FRMPD3: variants seen among roughly 807,000 people sequenced by gnomAD.
FRMPD3 encodes the protein FERM and PDZ domain containing 3.
In FRMPD3, 42 loss-of-function variants were observed where a neutral mutation model predicts 97.9. The observed-to-expected ratio is 0.43, with a 90% CI of 0.34 to 0.55. FRMPD3 has a LOEUF of 0.55. Among genes scored for constraint, FRMPD3 ranks in the 20% least tolerant of loss-of-function variants. The pLI, the probability that FRMPD3 is intolerant of heterozygous loss-of-function variation, is 0.03. For missense variants in FRMPD3, 1,303 were observed against 1,457.7 expected, an observed-to-expected ratio of 0.89 and a Z score of 1.73; for synonymous variants, 577 against 581.1, an observed-to-expected ratio of 0.99 and a Z score of 0.10.
intron 1 of FRMPD3, among the ~76,000 whole-genome samples, chrX:107,505,407 A>G (rs938890712): frequency 1.9e-4 from 21 of 111,798 alleles, no homozygotes; most frequent in African/African-American, 6.8e-4. Flanking sequence ...ACTCCCCTCC[A>G]TGGAACCACA....
Position 107,601,966 on chromosome X carries a change from G to A in FRMPD3, c.3927G>A (p.Arg1309=), listed in dbSNP as rs1177669963. The stretch of plus-strand genomic sequence containing the variant: ...GCAAGCGCATCTGCCGGGGGGGCCG[G>A]CCACAAGCCACCCAGACACCAGTGC... ...CDCKRICRGG[R]PQATQTPVPS... is the part of the protein sequence containing the mutation. The change falls in exon 15 of 15, where the codon CGG becomes CGA. Residue 1309 remains arginine, a synonymous_variant. Coordinates refer to ENST00000683843, the MANE Select transcript of FRMPD3 (RefSeq NM_001388459.1). 4.3e-6 allele frequency: 5 copies of A among 1,170,220 alleles called. No homozygotes were observed. The highest frequency in any genetic ancestry group is 5.7e-6 in the Non-Finnish European group (5 of 876,922).
chrX:107,520,662 C>A (rs1393648422), intron 1 of FRMPD3, among the ~76,000 whole-genome samples: 1 of 111,294 alleles, frequency 9.0e-6, no homozygotes, highest in Admixed American at 9.5e-5. Context: ...AACAAAACAA[C>A]AACAACAACA....
At chrX:107,489,866 C>G (rs1485008805) in intron 1 of FRMPD3, among the ~76,000 whole-genome samples, 2 of 111,651 alleles carry the variant, frequency 1.8e-5, no homozygotes, top group Admixed American at 9.5e-5. Context: ...TCAATTTTGG[C>G]TTTTGTTGCC....
At chrX:107,522,577 T>C (rs900865069) in intron 1 of FRMPD3, 14 of 443,153 alleles carry the variant, frequency 3.2e-5, no homozygotes, top group Non-Finnish European at 5.5e-5. Flanking sequence ...CCACTGTGGG[T>C]CTGTGCCTCT....
At chrX:107,533,883 A>G (rs1261146572) in intron 4 of FRMPD3, among the ~76,000 whole-genome samples, 1 of 112,375 alleles carries the variant, frequency 8.9e-6, no homozygotes, top group East Asian at 2.8e-4. Flanking sequence ...GTGAACTCTC[A>G]TAAAGTCCTG....
At chrX:107,589,833 A>G (rs773435294) in intron 13 of FRMPD3, among the ~76,000 whole-genome samples, 1 of 112,542 alleles carries the variant, frequency 8.9e-6, no homozygotes, top group African/African-American at 3.2e-5. Context: ...TTTTATTTTC[A>G]GGTTGTTCAT....
At chrX:107,579,133 C>T (rs1316755310) in intron 13 of FRMPD3, among the ~76,000 whole-genome samples, 1 of 111,939 alleles carries the variant, frequency 8.9e-6, no homozygotes, top group African/African-American at 3.3e-5. Context: ...CTTATCTGGG[C>T]TTTTCCCCCA....
chrX:107,536,473 C>A (rs769109749), intron 4 of FRMPD3, among the ~76,000 whole-genome samples: 36 of 112,000 alleles, frequency 3.2e-4, no homozygotes, highest in African/African-American at 1.1e-3. Flanking sequence ...ATTCATCCAA[C>A]TTGTTGCATG....
chrX:107,517,445 A>C (rs965233850), intron 1 of FRMPD3, among the ~76,000 whole-genome samples: 1 of 111,939 alleles, frequency 8.9e-6, no homozygotes, highest in Admixed American at 9.4e-5. Context: ...GTGATGAAAT[A>C]GTCATTTTAG....
Position 107,597,587 on chromosome X carries a change from G to A in FRMPD3, c.1708G>A (p.Gly570Ser), listed in dbSNP as rs751413205. The A allele has an allele frequency of 8.3e-7, 1 of 1,208,924 alleles. No homozygotes were observed. Among genetic ancestry groups the A allele is most frequent in the South Asian group, 1.8e-5 (1 of 56,790 alleles). Residue 570 changes from glycine (G) to serine (S), a missense_variant, in exon 14 of 15, where the codon GGC becomes AGC. Physicochemically the swap from Gly to Ser is moderately conservative, Grantham distance 56 (BLOSUM62 0). Around this residue, in one of 3 missense-constraint regions of FRMPD3, gnomAD observed 535 missense variants for 618.6 expected, o/e 0.86. Coordinates refer to ENST00000683843, the MANE Select transcript of FRMPD3 (RefSeq NM_001388459.1). ...TKSDPTSKSS[G>S]QGYEVVPDDF... ...GTCTGACCCCACATCCAAAAGCTCT[G>A]GCCAAGGTTATGAGGTAGTCCCTGA...
intron 2 of FRMPD3, among the ~76,000 whole-genome samples, chrX:107,527,849 C>CACA (rs1556200932): frequency 9.0e-6 from 1 of 111,677 alleles, no homozygotes; most frequent in East Asian, 2.8e-4. Flanking sequence ...CACACACACA[C>CACA]ACAACAACAA....
chrX:107,600,961 G>A lies in FRMPD3; in HGVS notation c.2922G>A (p.Gly974=). 8.3e-7 allele frequency: 1 copy of A among 1,208,878 alleles called. No individual in the cohort carries two copies. The highest frequency in any genetic ancestry group is 1.1e-6 in the Non-Finnish European group (1 of 894,438). ...VHNKSLVTAG[G]ALGNPPSRGE... ...ATAAGAGTCTAGTCACTGCTGGTGG[G>A]GCTTTGGGGAACCCCCCCAGCAGGG... The change falls in exon 15 of 15, where the codon GGG becomes GGA. Residue 974 remains glycine, a synonymous_variant. Coordinates refer to ENST00000683843, the MANE Select transcript of FRMPD3 (RefSeq NM_001388459.1).
At chrX:107,483,121 A>G (rs1443963764) in intron 1 of FRMPD3, among the ~76,000 whole-genome samples, 2 of 111,739 alleles carry the variant, frequency 1.8e-5, no homozygotes, top group East Asian at 5.6e-4. Flanking sequence ...TATTTGCTGC[A>G]GATAGGGCTA....
chrX:107,589,215 G>T (rs954650192), intron 13 of FRMPD3, among the ~76,000 whole-genome samples: 13 of 110,455 alleles, frequency 1.2e-4, no homozygotes, highest in African/African-American at 2.6e-4. Context: ...TCATGAGTTT[G>T]TGTAGTTTCG....
At chrX:107,516,290 G>C (rs1922328728) in intron 1 of FRMPD3, among the ~76,000 whole-genome samples, 1 of 110,425 alleles carries the variant, frequency 9.1e-6, no homozygotes, top group Non-Finnish European at 1.9e-5. Context: ...GGACATTTGG[G>C]TTGGTTCCAA....
intron 1 of FRMPD3, among the ~76,000 whole-genome samples, chrX:107,517,941 T>G (rs762729444): frequency 9.3e-4 from 102 of 109,596 alleles, no homozygotes; most frequent in African/African-American, 3.2e-3. Context: ...TGTGTGATTT[T>G]TCTCCAGCAC....
intron 1 of FRMPD3, among the ~76,000 whole-genome samples, chrX:107,467,573 A>G (rs1228953603): frequency 8.9e-6 from 1 of 111,794 alleles, no homozygotes. Context: ...GAATGATTCT[A>G]ATACCAATGA....
At chrX:107,486,654 G>C (rs780339205) in intron 1 of FRMPD3, among the ~76,000 whole-genome samples, 13 of 111,783 alleles carry the variant, frequency 1.2e-4, no homozygotes, top group Non-Finnish European at 2.3e-4. Flanking sequence ...TCGATTGACT[G>C]TAGATAAATG....
At position 107,602,036 on chromosome X, in the gene FRMPD3, A is replaced by G; in HGVS notation, c.3997A>G (p.Arg1333Gly). Residue 1333 changes from arginine to glycine, a missense_variant, in exon 15 of 15, where the codon AGG (arginine) becomes GGG (glycine). Physicochemically the swap from Arg to Gly is moderately radical, Grantham distance 125 (BLOSUM62 -2). Coordinates refer to ENST00000683843, the MANE Select transcript of FRMPD3 (RefSeq NM_001388459.1). The stretch of plus-strand genomic sequence containing the variant: ...AAGGGACAGAGTCCTCCCTAGCCAG[A>G]GGCAGCCAGAGGCTGGCCCAGGCGT... ...RERDRVLPSQ[R>G]QPEAGPGVSL... 1 of 1,182,805 alleles carries G rather than the reference A, an allele frequency of 8.5e-7. No individual in the cohort carries two copies. Among genetic ancestry groups the G allele is most frequent in the Non-Finnish European group, 1.1e-6 (1 of 881,518 alleles).
Sources: allele counts gnomAD v4.1 joint callset (sites outside exome capture counted in the v4.1 genomes callset), GRCh38; gene constraint gnomAD v4.1.1; regional missense constraint gnomAD v4.1.1; transcripts MANE v1.5; gene names NCBI Gene and HGNC (gene_info 2026-07-23, HGNC 2026-07-21).